Variants in TREML2 observed in about 807,000 individuals in gnomAD.
TREML2 encodes the protein trem-like transcript 2 protein.
Under a neutral mutation model 25.9 loss-of-function variants are expected in TREML2, and 24 were observed. That is an observed-to-expected ratio of 0.93 (90% CI 0.67 to 1.30). TREML2 has a LOEUF of 1.30. Ranked by LOEUF, TREML2 falls within the 50% of genes most tolerant of loss-of-function variation. TREML2 has a pLI of 0.00. For missense variants in TREML2, 359 were observed against 395.6 expected (o/e 0.91, Z 0.78); for synonymous variants, 139 against 155.2 (o/e 0.90, Z 0.77).
chr6:41,199,654 T>C (rs1766240292), intron 1 of TREML2, among the ~76,000 whole-genome samples: 1 of 152,196 alleles, frequency 6.6e-6, no homozygotes, highest in African/African-American at 2.4e-5. Context: ...TCCACCCCTC[T>C]GCCTGCCTTA....
At chr6:41,196,207 T>TTTC (rs779849211) in intron 2 of TREML2, among the ~76,000 whole-genome samples, 50 of 152,318 alleles carry the variant, frequency 3.3e-4, no homozygotes, top group Non-Finnish European at 5.3e-4. Flanking sequence ...ATGTTTAATG[T>TTTC]TTCTATCCCT....
At position 41,191,373 on chromosome 6, in the gene TREML2, AT is replaced by A; in HGVS notation, c.*1053del. On this transcript the variant is annotated 3_prime_UTR_variant, in exon 5 of 5. Coordinates refer to ENST00000483722, the MANE Select transcript of TREML2 (RefSeq NM_024807.4). ...CCTGGCCAGAGGCTACTTGGGCTCC[AT>A]TTTCCCTGTCCCCCTGCCTGGGCCA... 6.6e-6 allele frequency: 1 copy of A among 152,146 alleles called. No individual in the cohort carries two copies. The highest frequency in any genetic ancestry group is 1.5e-5 in the Non-Finnish European group (1 of 68,126). 9.4% of individuals were successfully genotyped at this position (152,146 alleles called of 1,614,324 possible).
intron 1 of TREML2, among the ~76,000 whole-genome samples, chr6:41,199,822 G>T (rs1246140535): frequency 6.6e-6 from 1 of 152,208 alleles, no homozygotes; most frequent in Non-Finnish European, 1.5e-5. Context: ...GGTGTGATTA[G>T]GTCACCTGTT....
At chr6:41,197,276 T>G (rs996508394) in intron 2 of TREML2, among the ~76,000 whole-genome samples, 3 of 152,220 alleles carry the variant, frequency 2.0e-5, no homozygotes, top group African/African-American at 7.2e-5. Context: ...AAACAAGTCA[T>G]GACAGCTCTC....
intron 1 of TREML2, among the ~76,000 whole-genome samples, chr6:41,200,544 G>A (rs1365915284): frequency 6.6e-6 from 1 of 152,230 alleles, no homozygotes; most frequent in East Asian, 1.9e-4. Context: ...CAGAGGCAGG[G>A]ACAGGATGTG....
Position 41,191,957 on chromosome 6 carries a change from G to GTTCCTTC in TREML2, c.*469_*470insGAAGGAA. 6.0e-6 allele frequency: 1 copy of GTTCCTTC among 165,610 alleles called. No individual in the cohort carries two copies. The highest frequency in any genetic ancestry group is 1.3e-5 in the Non-Finnish European group (1 of 75,080). 10.3% of individuals were successfully genotyped at this position (165,610 alleles called of 1,614,324 possible). Reference sequence around the variant, plus strand: ...CCAGGATGGGACATCACTGCCTCTGGCATTCGTGAGCCCGATTCTTTCTTC... The same window carrying GTTCCTTC: ...CCAGGATGGGACATCACTGCCTCTGGTTCCTTCCATTCGTGAGCCCGATTCTTTCTTC... On this transcript the variant is annotated 3_prime_UTR_variant, in exon 5 of 5. Coordinates refer to ENST00000483722, the MANE Select transcript of TREML2 (RefSeq NM_024807.4).
chr6:41,197,857 C>T (rs1201438503), intron 2 of TREML2, among the ~76,000 whole-genome samples: 2 of 152,142 alleles, frequency 1.3e-5, no homozygotes, highest in African/African-American at 4.8e-5. Context: ...CAAGTTTGAA[C>T]CTTATCTCAG....
At chr6:41,197,842 A>G (rs1766196268) in intron 2 of TREML2, among the ~76,000 whole-genome samples, 1 of 152,354 alleles carries the variant, frequency 6.6e-6, no homozygotes, top group Non-Finnish European at 1.5e-5. Context: ...CAGCACAGAC[A>G]GTGCCAAGTT....
At chr6:41,193,848 CT>C (rs1044396751) in intron 3 of TREML2, among the ~76,000 whole-genome samples, 9 of 136,982 alleles carry the variant, frequency 6.6e-5, no homozygotes, top group African/African-American at 1.6e-4. Context: ...CCCCTCTCCC[CT>C]GATACTCCTC....
chr6:41,193,839 C>T (rs1189177634), intron 3 of TREML2, among the ~76,000 whole-genome samples: 1 of 132,458 alleles, frequency 7.5e-6, no homozygotes, highest in Non-Finnish European at 1.6e-5. Context: ...TCTGCAGCCC[C>T]CCTCTCCCCT....
intron 2 of TREML2, among the ~76,000 whole-genome samples, chr6:41,197,579 C>A (rs1407624258): frequency 6.6e-6 from 1 of 152,118 alleles, no homozygotes; most frequent in Admixed American, 6.5e-5. Flanking sequence ...ACTTCAGTAG[C>A]TCCCCCACCA....
At chr6:41,199,019 C>G (rs866490154) in intron 1 of TREML2, among the ~76,000 whole-genome samples, 2 of 152,192 alleles carry the variant, frequency 1.3e-5, no homozygotes, top group Non-Finnish European at 2.9e-5. Flanking sequence ...CCTGCCACCA[C>G]GTCCGGCTAA....
chr6:41,193,048 A>T, intron 3 of TREML2, 147 bp from the exon 4 acceptor site: 1 of 616,286 alleles, frequency 1.6e-6, no homozygotes, highest in Admixed American at 3.5e-5. Flanking sequence ...CCGGCCACAG[A>T]AGCAAGTGTG....
Position 41,192,395 on chromosome 6 carries a change from G to A in TREML2, c.*32C>T. ...CCTCTAACCCCCTGGGGCCACTCTG[G>A]GAGAAGCTCCCCACCCCATGCTTAA... On this transcript the variant is annotated 3_prime_UTR_variant, in exon 5 of 5. Transcript: ENST00000483722. The A allele has an allele frequency of 6.3e-7, 1 of 1,590,148 alleles. No homozygotes were observed. The highest frequency in any genetic ancestry group is 8.6e-7 in the Non-Finnish European group (1 of 1,159,546).
chr6:41,200,846 C>T, intron 1 of TREML2, 108 bp downstream of exon 1: 1 of 1,056,734 alleles, frequency 9.5e-7, no homozygotes, highest in Non-Finnish European at 1.3e-6. Context: ...CCCCAACCCA[C>T]AAAACACTAA....
In TREML2 at chr6:41,192,798, C is replaced by T; in HGVS notation, c.886+3G>A. ...AGGAGGCTGGGAGGTGGGCTCTACT[C>T]ACTTGCCATGTGTCTCTTCTTCCAA... On this transcript the variant is annotated splice_donor_region_variant and intron_variant, in intron 4 of 4. Transcript: ENST00000483722. The T allele has an allele frequency of 6.2e-7, 1 of 1,611,184 alleles. No individual in the cohort carries two copies.
At position 41,194,592 on chromosome 6, in the gene TREML2, C is replaced by A; in HGVS notation, c.618G>T (p.Met206Ile). ...GAGACGCGGTCACTGTCTGGGACCC[C>A]ATGGTCCTCCTGGGTCCCTGGCTGG... ...STTSQGPRRT[M>I]GSQTVTASPS... Residue 206 changes from methionine to isoleucine, a missense_variant, in exon 3 of 5, where the codon ATG becomes ATT. By Grantham distance (10) the Met-to-Ile change is conservative (BLOSUM62 1). Coordinates refer to ENST00000483722, the MANE Select transcript of TREML2 (RefSeq NM_024807.4). 5 of 1,614,032 alleles carry A rather than the reference C, an allele frequency of 3.1e-6. No homozygotes were observed. The highest frequency in any genetic ancestry group is 3.4e-6 in the Non-Finnish European group (4 of 1,179,990).
chr6:41,197,579 C>G (rs1407624258), intron 2 of TREML2, among the ~76,000 whole-genome samples: 7 of 152,118 alleles, frequency 4.6e-5, no homozygotes, highest in South Asian at 2.1e-4. Context: ...ACTTCAGTAG[C>G]TCCCCCACCA....
rs11271583 is a variant in TREML2 at position 41,190,851 on chromosome 6, GTGTC to G, written c.*1572_*1575del. On this transcript the variant is annotated 3_prime_UTR_variant, in exon 5 of 5. Coordinates refer to ENST00000483722, the MANE Select transcript of TREML2 (RefSeq NM_024807.4). ...GCTAGACAGAGATGGGTGTGTGTGC[GTGTC>G]TGTCTGTCTGTCTGTCTGTCTGTCT... The G allele has an allele frequency of 0.012, 1,770 of 151,378 alleles. 15 individuals carry two copies. Among genetic ancestry groups the G allele is most frequent in the East Asian group, 0.022 (112 of 5,094 alleles). The allele number at this position is 151,378 out of a possible 1,614,324, so 9.4% of individuals were successfully genotyped here.
Sources: gnomAD v4.1 joint callset for allele counts (sites outside exome capture counted in the v4.1 genomes callset) on GRCh38, gnomAD v4.1.1 for gene constraint, MANE v1.5 for transcripts, NCBI Gene and HGNC (gene_info 2026-07-23, HGNC 2026-07-21) for gene names.